Variants in SMOC1 observed in about 807,000 individuals in gnomAD.
SMOC1 encodes the protein SPARC related modular calcium binding 1.
Under a neutral mutation model 56.3 loss-of-function variants are expected in SMOC1, and 22 were observed. The ratio of observed to expected loss-of-function variants is 0.39; its 90% CI spans 0.28 to 0.56. The LOEUF is 0.56. Among genes scored for constraint, SMOC1 ranks in the 20% least tolerant of loss-of-function variants. The pLI is 0.61. For synonymous variants in SMOC1, 193 were observed against 215.0 expected (o/e 0.90, Z 0.89); for missense variants, 509 against 565.4 (o/e 0.90, Z 1.01).
chr14:70,023,288 G>C lies in SMOC1; in HGVS notation c.1132G>C (p.Asp378His). ...FSQLDSNSSN[D>H]INKREMKPFK... ...CCAGCTGGACAGCAATAGCAGCAACGACATTAACAAGCGGGAGATGAAGCC... is the reference window on the plus strand; with the variant it reads ...CCAGCTGGACAGCAATAGCAGCAACCACATTAACAAGCGGGAGATGAAGCC... Residue 378 changes from aspartate to histidine, a missense_variant, in exon 11 of 12, where the codon GAC (aspartate) becomes CAC (histidine). Asp to His is a moderately conservative substitution (Grantham distance 81, BLOSUM62 -1). Transcript: ENST00000361956. The C allele has an allele frequency of 6.2e-7, 1 of 1,614,170 alleles. No homozygotes were observed. The highest frequency in any genetic ancestry group is 8.5e-7 in the Non-Finnish European group (1 of 1,180,026).
chr14:69,948,199 G>T (rs1442242806), intron 1 of SMOC1, among the ~76,000 whole-genome samples: 1 of 152,168 alleles, frequency 6.6e-6, no homozygotes, highest in Non-Finnish European at 1.5e-5. Context: ...ATAGTCATCT[G>T]GTTAAAGCTT....
At chr14:69,915,143 C>T (rs1328562498) in intron 1 of SMOC1, among the ~76,000 whole-genome samples, 1 of 152,146 alleles carries the variant, frequency 6.6e-6, no homozygotes, top group African/African-American at 2.4e-5. Flanking sequence ...GCTGGGATTG[C>T]AGGCTTGAGC....
chr14:69,885,931 G>A (rs1883793572), intron 1 of SMOC1: 3 of 1,597,328 alleles, frequency 1.9e-6, no homozygotes, highest in African/African-American at 1.3e-5. Context: ...GCCGCTTATA[G>A]AGGATGGCTC....
At chr14:69,959,996 G>C (rs1370682414) in intron 3 of SMOC1, among the ~76,000 whole-genome samples, 1 of 152,118 alleles carries the variant, frequency 6.6e-6, no homozygotes, top group Non-Finnish European at 1.5e-5. Context: ...CGTCACCCCT[G>C]TAGACTCGAG....
chr14:69,918,441 T>G (rs1884745126), intron 1 of SMOC1, among the ~76,000 whole-genome samples: 1 of 152,176 alleles, frequency 6.6e-6, no homozygotes, highest in African/African-American at 2.4e-5. Context: ...TTGCCCAGGC[T>G]GGTCTTGAAC....
At chr14:69,920,683 A>C (rs1484479537) in intron 1 of SMOC1, among the ~76,000 whole-genome samples, 3 of 152,178 alleles carry the variant, frequency 2.0e-5, no homozygotes, top group East Asian at 1.9e-4. Flanking sequence ...GAGGCAATAA[A>C]ATAATCATGC....
Position 69,885,263 on chromosome 14 carries a change from C to CTT in SMOC1, c.99+5487_99+5488dup, listed in dbSNP as rs1253016305. On this transcript the variant is annotated intron_variant, in intron 1 of 11. Coordinates refer to ENST00000361956, the MANE Select transcript of SMOC1 (RefSeq NM_001034852.3). ...AACGATTACTCTCTCCTTCGAACAA[C>CTT]TTCTTTTTTTTTTTTTTTAAGGAAA... The CTT allele has an allele frequency of 6.0e-6, 5 of 828,448 alleles. No individual in the cohort carries two copies. The Admixed American group carries it at 1.5e-4, about 25-fold the overall frequency. 51.3% of individuals were successfully genotyped at this position (828,448 alleles called of 1,614,324 possible).
intron 1 of SMOC1, among the ~76,000 whole-genome samples, chr14:69,924,433 C>T (rs1381430937): frequency 6.6e-6 from 1 of 151,886 alleles, no homozygotes; most frequent in South Asian, 2.1e-4. Flanking sequence ...GATCCTTCTT[C>T]ACACAGCAGC....
chr14:69,885,991 G>T lies in SMOC1; in HGVS notation c.99+6214G>T, dbSNP rs558832398. On this transcript the variant is annotated intron_variant, in intron 1 of 11. Transcript: ENST00000361956. ...GGGGCCATTTCACAAAGCGGGTGAGGTCTCTTTTGGGCTGGATGTCCTGTC... is the reference window on the plus strand; with the variant it reads ...GGGGCCATTTCACAAAGCGGGTGAGTTCTCTTTTGGGCTGGATGTCCTGTC... The T allele has an allele frequency of 3.5e-5, 56 of 1,585,426 alleles. No individual in the cohort carries two copies. The African/African-American group carries it at 6.8e-4, about 19-fold the overall frequency.
chr14:69,909,250 C>T (rs1333451848), intron 1 of SMOC1, among the ~76,000 whole-genome samples: 4 of 152,146 alleles, frequency 2.6e-5, no homozygotes, highest in Non-Finnish European at 5.9e-5. Flanking sequence ...TTTTTGGTGT[C>T]CCTGAATCAT....
chr14:69,983,096 A>G (rs970489211), intron 5 of SMOC1, among the ~76,000 whole-genome samples: 6 of 152,138 alleles, frequency 3.9e-5, no homozygotes, highest in Non-Finnish European at 8.8e-5. Context: ...GCTTGGCTCC[A>G]GCTACTCAAC....
chr14:69,940,200 C>G (rs1484890014), intron 1 of SMOC1, among the ~76,000 whole-genome samples: 3 of 152,172 alleles, frequency 2.0e-5, no homozygotes, highest in African/African-American at 7.2e-5. Context: ...TTGAGACCAA[C>G]CCCAGCCATC....
rs2139615043 is a variant in SMOC1, at chr14:70,023,221, C to T, written c.1065C>T (p.Pro355=). The T allele has an allele frequency of 6.2e-7, 1 of 1,614,102 alleles. No homozygotes were observed. The highest frequency in any genetic ancestry group is 8.5e-7 in the Non-Finnish European group (1 of 1,180,018). The part of the protein sequence containing the change: ...TGGGRFSEPD[P]SHTLEERVVH... ...GGCCCAGGTTCTCAGAGCCAGACCC[C>T]AGCCACACCCTGGAGGAGCGGGTAG... Residue 355 remains proline, a synonymous_variant, in exon 11 of 12, where the codon CCC becomes CCT. Transcript: ENST00000361956.
chr14:69,961,290 A>ATATATATATATG (rs1883367784), intron 3 of SMOC1, among the ~76,000 whole-genome samples: 2 of 79,580 alleles, frequency 2.5e-5, no homozygotes, highest in Non-Finnish European at 6.3e-5. Context: ...ATATATATAT[A>ATATATATATATG]TATATATATA....
chr14:69,880,814 C>T (rs1201938955), intron 1 of SMOC1, among the ~76,000 whole-genome samples: 1 of 152,220 alleles, frequency 6.6e-6, no homozygotes, highest in East Asian at 1.9e-4. Flanking sequence ...ATCCTTGGGC[C>T]TGGCCCTTTA....
At chr14:69,922,348 G>A (rs530496885) in intron 1 of SMOC1, among the ~76,000 whole-genome samples, 17 of 152,334 alleles carry the variant, frequency 1.1e-4, no homozygotes, top group Middle Eastern at 3.4e-3. Flanking sequence ...TGCTTCAGGC[G>A]TAAAGGTCTT....
chr14:69,922,841 C>T (rs1884883663), intron 1 of SMOC1, among the ~76,000 whole-genome samples: 1 of 152,030 alleles, frequency 6.6e-6, no homozygotes, highest in Non-Finnish European at 1.5e-5. Flanking sequence ...TAACCTGTGA[C>T]TTTGTGCATC....
At chr14:69,976,385 C>T (rs1435040005) in intron 4 of SMOC1, among the ~76,000 whole-genome samples, 1 of 152,194 alleles carries the variant, frequency 6.6e-6, no homozygotes, top group African/African-American at 2.4e-5. Context: ...TCGAGGCTTC[C>T]TCTTGTATAT....
intron 6 of SMOC1, 135 bp downstream of exon 6, chr14:69,992,608 C>T (rs1884605751): frequency 2.6e-6 from 2 of 784,162 alleles, no homozygotes; most frequent in Non-Finnish European, 4.2e-6. Context: ...CCAGTGTAAG[C>T]TGGGTTGTTT....
Sources: gnomAD v4.1 joint callset for allele counts (sites outside exome capture counted in the v4.1 genomes callset) on GRCh38, gnomAD v4.1.1 for gene constraint, MANE v1.5 for transcripts, NCBI Gene and HGNC (gene_info 2026-07-23, HGNC 2026-07-21) for gene names.